Variants in RAB8B observed in about 807,000 individuals in gnomAD.
RAB8B encodes the protein RAB8B, member RAS oncogene family.
A neutral mutation model predicts 32.0 loss-of-function variants in RAB8B; 11 were observed. The observed-to-expected ratio is 0.34, with a 90% CI of 0.22 to 0.57. The LOEUF (loss-of-function observed/expected upper bound fraction) is 0.57, where lower values mean the gene tolerates loss of function less well. Among genes scored for constraint, RAB8B ranks in the 20% least tolerant of loss-of-function variants. RAB8B has a pLI of 0.86. For missense variants in RAB8B, 190 were observed against 258.5 expected (o/e 0.73, Z 1.82); for synonymous variants, 103 against 89.6 (o/e 1.15, Z -0.85).
intron 1 of RAB8B, among the ~76,000 whole-genome samples, chr15:63,206,805 G>A (rs1315382087): frequency 6.6e-6 from 1 of 152,032 alleles, no homozygotes; most frequent in Non-Finnish European, 1.5e-5. Flanking sequence ...AAAGAGAGAA[G>A]TCTTGTCCCC....
chr15:63,191,652 A>G (rs2037556821), intron 1 of RAB8B, among the ~76,000 whole-genome samples: 2 of 152,202 alleles, frequency 1.3e-5, no homozygotes, highest in Non-Finnish European at 2.9e-5. Flanking sequence ...ACAGATGGTA[A>G]AGGATAATTT....
intron 1 of RAB8B, among the ~76,000 whole-genome samples, chr15:63,242,007 A>G (rs543392016): frequency 6.6e-6 from 1 of 151,564 alleles, no homozygotes; most frequent in East Asian, 2.0e-4. Context: ...GAGCCAGATA[A>G]CTTGGGAATA....
chr15:63,225,211 G>T (rs879594897), intron 1 of RAB8B, among the ~76,000 whole-genome samples: 1 of 152,148 alleles, frequency 6.6e-6, no homozygotes, highest in East Asian at 1.9e-4. Flanking sequence ...TAACTTAACC[G>T]TGTTGGAGTT....
rs759542171 is a variant in RAB8B, at chr15:63,263,549, C to T, written c.554C>T (p.Ala185Val). ...RKMNDSNSAG[A>V]GGPVKITENR... ...TAGAATGACAGCAATTCAGCAGGAG[C>T]AGGTGGACCAGTGAAAATAACAGAA... The change falls in exon 8 of 8, where the codon GCA becomes GTA. Residue 185 changes from alanine to valine, a missense_variant. By Grantham distance (64) the Ala-to-Val change is moderately conservative. Coordinates refer to ENST00000321437, the MANE Select transcript of RAB8B (RefSeq NM_016530.3). 14 of 1,611,902 alleles carry T rather than the reference C, an allele frequency of 8.7e-6. No individual in the cohort carries two copies. Among genetic ancestry groups the T allele is most frequent in the Non-Finnish European group, 1.1e-5 (13 of 1,178,102 alleles).
intron 1 of RAB8B, among the ~76,000 whole-genome samples, chr15:63,201,475 A>G (rs2037649846): frequency 6.6e-6 from 1 of 152,166 alleles, no homozygotes; most frequent in Admixed American, 6.5e-5. Context: ...CTGAAGCCTC[A>G]GGTAAGTGGG....
At chr15:63,216,118 T>G (rs970651079) in intron 1 of RAB8B, among the ~76,000 whole-genome samples, 1 of 151,968 alleles carries the variant, frequency 6.6e-6, no homozygotes, top group African/African-American at 2.4e-5. Flanking sequence ...GTTTTTCTTC[T>G]CTATAATTTT....
intron 1 of RAB8B, among the ~76,000 whole-genome samples, chr15:63,230,545 G>T (rs556895585): frequency 6.6e-6 from 1 of 152,070 alleles, no homozygotes; most frequent in East Asian, 1.9e-4. Flanking sequence ...CAGGTGATCC[G>T]CCCGCCTGGA....
intron 1 of RAB8B, among the ~76,000 whole-genome samples, chr15:63,240,466 T>C (rs1464360248): frequency 1.3e-5 from 2 of 152,210 alleles, no homozygotes; most frequent in African/African-American, 4.8e-5. Flanking sequence ...TCAAGCAGCC[T>C]GTTCACAAGT....
intron 1 of RAB8B, 62 bp from the exon 2 acceptor site, chr15:63,244,694 C>T: frequency 7.6e-7 from 1 of 1,314,832 alleles, no homozygotes; most frequent in East Asian, 2.3e-5. Flanking sequence ...TCTTTGTCCT[C>T]CTAATGAGAC....
intron 2 of RAB8B, among the ~76,000 whole-genome samples, chr15:63,246,897 G>A (rs1273306356): frequency 2.0e-5 from 3 of 152,202 alleles, no homozygotes; most frequent in Admixed American, 1.3e-4. Context: ...TAAACACTTT[G>A]TTGGAGATTC....
chr15:63,244,516 G>A (rs2038056213), intron 1 of RAB8B, among the ~76,000 whole-genome samples: 1 of 152,188 alleles, frequency 6.6e-6, no homozygotes, highest in Non-Finnish European at 1.5e-5. Flanking sequence ...TGATCCATTT[G>A]TGTCAGAATA....
chr15:63,193,363 G>A (rs1202943984), intron 1 of RAB8B, among the ~76,000 whole-genome samples: 2 of 152,146 alleles, frequency 1.3e-5, no homozygotes, highest in Non-Finnish European at 2.9e-5. Flanking sequence ...AGATCTTCTA[G>A]TATATCTGTC....
chr15:63,221,381 A>G (rs943936264), intron 1 of RAB8B, among the ~76,000 whole-genome samples: 21 of 152,214 alleles, frequency 1.4e-4, no homozygotes, highest in Non-Finnish European at 2.2e-4. Context: ...TGTATGTATT[A>G]TGATGGAAGC....
chr15:63,231,796 T>C (rs2037939069), intron 1 of RAB8B, among the ~76,000 whole-genome samples: 1 of 152,210 alleles, frequency 6.6e-6, no homozygotes, highest in African/African-American at 2.4e-5. Context: ...TTTCATTCTT[T>C]AAGAAAGGTT....
rs1201246193 is a variant in RAB8B at position 63,267,572 on chromosome 15, A to G, written c.*3953A>G. 1 of 152,180 alleles carries G rather than the reference A, an allele frequency of 6.6e-6. No homozygotes were observed. The highest frequency in any genetic ancestry group is 1.5e-5 in the Non-Finnish European group (1 of 68,030). 9.4% of individuals were successfully genotyped at this position (152,180 alleles called of 1,614,324 possible). On this transcript the variant is annotated 3_prime_UTR_variant, in exon 8 of 8. Coordinates refer to ENST00000321437, the MANE Select transcript of RAB8B (RefSeq NM_016530.3). ...ACTATCCTACTGTACATGTTTAAAC[A>G]TATTTTATTTTTGCTCCAATGGCTT...
chr15:63,196,137 T>G (rs2037597880), intron 1 of RAB8B, among the ~76,000 whole-genome samples: 1 of 152,126 alleles, frequency 6.6e-6, no homozygotes, highest in Non-Finnish European at 1.5e-5. Flanking sequence ...TCATAAAAAC[T>G]CAACTTTATG....
intron 1 of RAB8B, among the ~76,000 whole-genome samples, chr15:63,197,302 T>G (rs1223781219): frequency 6.6e-6 from 1 of 151,158 alleles, no homozygotes; most frequent in Non-Finnish European, 1.5e-5. Context: ...AATAAAGGGT[T>G]TTCTTTAGTC....
chr15:63,197,011 T>TG (rs1228194228), intron 1 of RAB8B, among the ~76,000 whole-genome samples: 2 of 152,190 alleles, frequency 1.3e-5, no homozygotes, highest in Non-Finnish European at 2.9e-5. Context: ...AACAGATGCC[T>TG]GTTAACAGTT....
intron 2 of RAB8B, among the ~76,000 whole-genome samples, chr15:63,246,278 A>G (rs1368200552): frequency 6.6e-6 from 1 of 152,176 alleles, no homozygotes; most frequent in Admixed American, 6.5e-5. Context: ...GTTGGCACTC[A>G]AAAAGTTTTG....
Sources: allele counts gnomAD v4.1 joint callset (sites outside exome capture counted in the v4.1 genomes callset), GRCh38; gene constraint gnomAD v4.1.1; transcripts MANE v1.5; gene names NCBI Gene and HGNC (gene_info 2026-07-23, HGNC 2026-07-21).